ARHGEF28: variants seen among roughly 807,000 people sequenced by gnomAD.
ARHGEF28 encodes the protein Rho guanine nucleotide exchange factor 28.
A neutral mutation model predicts 206.6 loss-of-function variants in ARHGEF28; 152 were observed. That is an observed-to-expected ratio of 0.74 (90% confidence interval 0.64 to 0.84). The LOEUF (loss-of-function observed/expected upper bound fraction) is 0.84, where lower values mean the gene tolerates loss of function less well. Among genes scored for constraint, ARHGEF28 ranks in the 40% least tolerant of loss-of-function variants. The pLI, the probability that ARHGEF28 is intolerant of heterozygous loss-of-function variation, is 0.00. For missense variants in ARHGEF28, 2,028 were observed against 2,073.2 expected (o/e 0.98, Z 0.42); for synonymous variants, 763 against 776.4 (o/e 0.98, Z 0.29).
At chr5:73,780,549 C>T (rs1438443153) in intron 6 of ARHGEF28, 127 bp from the exon 7 acceptor site, 2 of 959,488 alleles carry the variant, frequency 2.1e-6, no homozygotes, top group Non-Finnish European at 3.1e-6. Context: ...GGCTTTCACC[C>T]ACCCTCTATT....
chr5:73,793,657 C>G (rs190477836), intron 7 of ARHGEF28, among the ~76,000 whole-genome samples: 1 of 151,624 alleles, frequency 6.6e-6, no homozygotes, highest in Non-Finnish European at 1.5e-5. Flanking sequence ...CTAGGGATAT[C>G]GAGTGCTTTA....
At chr5:73,851,539 A>G (rs1050249200) in intron 13 of ARHGEF28, among the ~76,000 whole-genome samples, 1 of 152,272 alleles carries the variant, frequency 6.6e-6, no homozygotes, top group East Asian at 1.9e-4. Context: ...CATTGCCAAT[A>G]TTAAAATGAT....
intron 9 of ARHGEF28, among the ~76,000 whole-genome samples, chr5:73,825,703 A>G (rs573402711): frequency 6.6e-6 from 1 of 152,268 alleles, no homozygotes; most frequent in South Asian, 2.1e-4. Flanking sequence ...GTGATGAGAA[A>G]GGTCAGATTC....
chr5:73,811,424 C>T (rs1044112351), intron 9 of ARHGEF28, among the ~76,000 whole-genome samples: 4 of 152,172 alleles, frequency 2.6e-5, no homozygotes, highest in African/African-American at 9.7e-5. Flanking sequence ...TGTAAAGGTT[C>T]TTCATCCACA....
chr5:73,635,392 G>A (rs1221388626), intron 1 of ARHGEF28, among the ~76,000 whole-genome samples: 3 of 152,078 alleles, frequency 2.0e-5, no homozygotes, highest in Non-Finnish European at 4.4e-5. Context: ...ATGTATGAGT[G>A]GAAAATAGCA....
chr5:73,849,119 C>T, intron 13 of ARHGEF28, 32 bp downstream of exon 13: 1 of 1,410,200 alleles, frequency 7.1e-7, no homozygotes, highest in Non-Finnish European at 9.8e-7. Flanking sequence ...GCTTTGAAAA[C>T]ACTCTATTCC....
chr5:73,880,419 G>A (rs544811849), intron 22 of ARHGEF28, among the ~76,000 whole-genome samples: 4,910 of 152,238 alleles, frequency 0.032, 94 homozygotes, highest in South Asian at 0.053. Context: ...GCTCACGCAT[G>A]GTGTGCTGCA....
chr5:73,801,469 A>G (rs975853044), intron 9 of ARHGEF28, among the ~76,000 whole-genome samples: 2 of 152,012 alleles, frequency 1.3e-5, no homozygotes, highest in South Asian at 4.1e-4. Flanking sequence ...AAATAAAAAA[A>G]TAAAAAATAA....
chr5:73,730,616 C>G (rs72770843), intron 2 of ARHGEF28, among the ~76,000 whole-genome samples: 27,419 of 150,312 alleles, frequency 0.18, 2,779 homozygotes, highest in Non-Finnish European at 0.23. Context: ...TCGCTGCAGC[C>G]TCAGCCTTCC....
rs1353025563 is a variant in ARHGEF28 at position 73,846,362 on chromosome 5, A to G, written c.1522A>G (p.Arg508Gly). The G allele has an allele frequency of 1.2e-6, 2 of 1,613,928 alleles. No homozygotes were observed. The highest frequency in any genetic ancestry group is 3.3e-5 in the Admixed American group (2 of 60,014). Residue 508 changes from arginine (R) to glycine (G), a missense_variant, in exon 12 of 36, where the codon AGA (arginine) becomes GGA (glycine). By Grantham distance (125) the Arg-to-Gly change is moderately radical (BLOSUM62 -2). Coordinates refer to ENST00000513042, the MANE Select transcript of ARHGEF28 (RefSeq NM_001177693.2). ...CYTPGSQSSS[R>G]TGIPSGDELD... ...CACTCCAGGGTCTCAGAGCTCCTCA[A>G]GAACTGGGATTCCTAGTGGGGATGA... is the stretch of plus-strand genomic sequence containing the variant.
At chr5:73,758,202 G>A (rs1158635978) in intron 4 of ARHGEF28, among the ~76,000 whole-genome samples, 1 of 152,100 alleles carries the variant, frequency 6.6e-6, no homozygotes, top group African/African-American at 2.4e-5. Context: ...GAACACAGTA[G>A]CTTCTCTCCT....
At chr5:73,895,755 C>A (rs1191724378) in intron 29 of ARHGEF28, among the ~76,000 whole-genome samples, 1 of 152,186 alleles carries the variant, frequency 6.6e-6, no homozygotes, top group Non-Finnish European at 1.5e-5. Flanking sequence ...CCTACAGTGG[C>A]AGAGATGAGC....
chr5:73,689,567 G>A (rs922355310), intron 2 of ARHGEF28, among the ~76,000 whole-genome samples: 2 of 152,164 alleles, frequency 1.3e-5, no homozygotes, highest in Non-Finnish European at 2.9e-5. Context: ...CAGAAAAAGA[G>A]AAACACTACT....
At chr5:73,744,301 T>C (rs1262492188) in intron 2 of ARHGEF28, among the ~76,000 whole-genome samples, 1 of 152,144 alleles carries the variant, frequency 6.6e-6, no homozygotes, top group African/African-American at 2.4e-5. Context: ...GTACCACATA[T>C]GCTATTGTAC....
chr5:73,903,677 T>A (rs1212890955), intron 31 of ARHGEF28: 1 of 155,398 alleles, frequency 6.4e-6, no homozygotes, highest in Non-Finnish European at 1.4e-5. Flanking sequence ...TGTGGTGGGA[T>A]CTAGAGCAGC....
chr5:73,940,569 G>C (rs1235141136), intron 35 of ARHGEF28, among the ~76,000 whole-genome samples: 1 of 152,114 alleles, frequency 6.6e-6, no homozygotes, highest in Admixed American at 6.5e-5. Context: ...AAATAAATGG[G>C]CATCCCTTTT....
intron 30 of ARHGEF28, 85 bp downstream of exon 30, chr5:73,898,178 G>A: frequency 6.7e-7 from 1 of 1,483,010 alleles, no homozygotes; most frequent in Non-Finnish European, 9.1e-7. Context: ...GGCAATGACT[G>A]TCTCTGGTTG....
intron 35 of ARHGEF28, among the ~76,000 whole-genome samples, chr5:73,912,016 C>A (rs570378084): frequency 1.7e-4 from 26 of 151,770 alleles, no homozygotes; most frequent in South Asian, 4.2e-4. Flanking sequence ...TTAGTGAAAT[C>A]TTCTGTACTG....
Position 73,863,642 on chromosome 5 carries a change from T to A in ARHGEF28, c.2048-1175T>A, listed in dbSNP as rs1759532112. Among the ~76,000 whole-genome samples the A allele has an allele frequency of 5.3e-5, 8 of 151,810 alleles. 1 individual carries two copies. On this transcript the variant is annotated intron_variant, in intron 16 of 35. Coordinates refer to ENST00000513042, the MANE Select transcript of ARHGEF28 (RefSeq NM_001177693.2). ...TACTGAGGCCCCCGTCTTCTGTCTC[T>A]TATCAAGAACAATTTTCAAGTATCT... is the stretch of plus-strand genomic sequence containing the variant.
Sources: allele counts gnomAD v4.1 joint callset (sites outside exome capture counted in the v4.1 genomes callset), GRCh38; gene constraint gnomAD v4.1.1; transcripts MANE v1.5; gene names NCBI Gene and HGNC (gene_info 2026-07-23, HGNC 2026-07-21).